The following PARP8 variants were observed in gnomAD, a reference collection of about 807,000 sequenced individuals.
PARP8 encodes the protein poly(ADP-ribose) polymerase family member 8.
Under a neutral mutation model 124.1 loss-of-function variants are expected in PARP8, and 51 were observed. The ratio of observed to expected loss-of-function variants is 0.41; its 90% CI spans 0.33 to 0.52. The LOEUF is 0.52. PARP8 is among the 20% of genes least tolerant of loss of function. The pLI is 0.21. For synonymous variants in PARP8, 391 were observed against 361.5 expected, an observed-to-expected ratio of 1.08 and a Z score of -0.93; for missense variants, 860 against 1,018.9, an observed-to-expected ratio of 0.84 and a Z score of 2.12.
intron 12 of PARP8, 95 bp from the exon 13 acceptor site, chr5:50,796,887 C>G (rs1291840466): frequency 2.8e-6 from 3 of 1,062,800 alleles, no homozygotes; most frequent in Non-Finnish European, 1.3e-6. Context: ...TCTTAAATCA[C>G]TTTCGTATTC....
chr5:50,703,484 A>G (rs1366095148), intron 2 of PARP8, among the ~76,000 whole-genome samples: 8 of 152,098 alleles, frequency 5.3e-5, no homozygotes, highest in African/African-American at 1.9e-4. Flanking sequence ...GGGGGGTTTG[A>G]TTTCTTCCTT....
chr5:50,768,219 ATG>A (rs1168720580), intron 7 of PARP8, among the ~76,000 whole-genome samples: 3 of 152,220 alleles, frequency 2.0e-5, no homozygotes, highest in African/African-American at 7.2e-5. Context: ...GTAAGTGTGT[ATG>A]TGAGTGTCTC....
intron 2 of PARP8, among the ~76,000 whole-genome samples, chr5:50,727,441 G>T (rs1355117348): frequency 6.6e-6 from 1 of 152,100 alleles, no homozygotes; most frequent in Admixed American, 6.6e-5. Flanking sequence ...CTTTGTTTAG[G>T]TAGTATGTCA....
chr5:50,787,669 C>T (rs1339030653), intron 9 of PARP8, among the ~76,000 whole-genome samples: 2 of 151,830 alleles, frequency 1.3e-5, no homozygotes, highest in African/African-American at 4.8e-5. Context: ...ATGACTGGAG[C>T]GATGAGTGCA....
chr5:50,770,590 AAG>A (rs914183213), intron 7 of PARP8, among the ~76,000 whole-genome samples: 2 of 151,952 alleles, frequency 1.3e-5, no homozygotes, highest in African/African-American at 2.4e-5. Flanking sequence ...GGAAAAAAGA[AAG>A]AGAAAGAAAA....
intron 2 of PARP8, among the ~76,000 whole-genome samples, chr5:50,722,233 G>A (rs567507019): frequency 4.0e-4 from 61 of 152,134 alleles, no homozygotes; most frequent in East Asian, 1.4e-3. Flanking sequence ...TGTCACTGCC[G>A]CTGAAAACTG....
chr5:50,800,592 AGTT>A (rs942668799), intron 14 of PARP8, among the ~76,000 whole-genome samples: 17 of 152,136 alleles, frequency 1.1e-4, no homozygotes, highest in African/African-American at 3.9e-4. Flanking sequence ...TTCTAGTCCT[AGTT>A]GTTAGGTGGT....
chr5:50,673,722 G>T (rs1031650915), intron 2 of PARP8, among the ~76,000 whole-genome samples: 3 of 152,232 alleles, frequency 2.0e-5, no homozygotes, highest in African/African-American at 4.8e-5. Flanking sequence ...AAATCTGCTG[G>T]TTGGCAAAGG....
chr5:50,746,061 T>C (rs1420808157), intron 2 of PARP8, among the ~76,000 whole-genome samples: 4 of 152,242 alleles, frequency 2.6e-5, no homozygotes, highest in East Asian at 1.9e-4. Context: ...TATGTGCTCA[T>C]ATTTTACTAC....
At chr5:50,751,396 C>T (rs1258724955) in intron 3 of PARP8, among the ~76,000 whole-genome samples, 1 of 152,076 alleles carries the variant, frequency 6.6e-6, no homozygotes, top group Non-Finnish European at 1.5e-5. Context: ...AATGAATTTT[C>T]AATATAACTT....
At chr5:50,815,733 G>T (rs527643573) in intron 15 of PARP8, among the ~76,000 whole-genome samples, 2 of 152,174 alleles carry the variant, frequency 1.3e-5, no homozygotes, top group Non-Finnish European at 1.5e-5. Context: ...GCCAAGGAGA[G>T]AAATTAAACC....
chr5:50,678,725 G>T (rs1750927514), intron 2 of PARP8, among the ~76,000 whole-genome samples: 1 of 152,136 alleles, frequency 6.6e-6, no homozygotes, highest in Non-Finnish European at 1.5e-5. Flanking sequence ...TCATTCTCCA[G>T]GAGCTGGCCA....
chr5:50,747,168 T>TTTTTTTTTTTTTTTTTTTTTG (rs1758669372), intron 2 of PARP8, among the ~76,000 whole-genome samples: 1 of 139,298 alleles, frequency 7.2e-6, no homozygotes, highest in African/African-American at 2.8e-5. Context: ...GTTTTGTTTT[T>TTTTTTTTTTTTTTTTTTTTTG]TTTTTTTTTT....
At chr5:50,784,023 TAAC>T (rs1430915522) in intron 9 of PARP8, among the ~76,000 whole-genome samples, 1 of 152,186 alleles carries the variant, frequency 6.6e-6, no homozygotes, top group Admixed American at 6.5e-5. Flanking sequence ...CTTTTTGAAA[TAAC>T]AATTCAGTGA....
intron 2 of PARP8, among the ~76,000 whole-genome samples, chr5:50,713,204 T>A (rs1754954811): frequency 1.3e-5 from 2 of 152,066 alleles, no homozygotes; most frequent in African/African-American, 2.4e-5. Context: ...CAAGAGTGCT[T>A]ATTCATATTG....
In PARP8 at chr5:50,844,489, A is replaced by G. The variant is rs920616065; in HGVS notation, c.*2421A>G. 1 of 151,840 alleles carries G rather than the reference A, an allele frequency of 6.6e-6. No homozygotes were observed. Among genetic ancestry groups the G allele is most frequent in the Admixed American group, 6.6e-5 (1 of 15,192 alleles). The allele number at this position is 151,840 out of a possible 1,614,324, so 9.4% of individuals were successfully genotyped here. ...TCCAAAATCCAAGCAGGTCCATACA[A>G]TTTAGAGATTTGAACACTGTTATCA... On this transcript the variant is annotated 3_prime_UTR_variant, in exon 26 of 26. Coordinates refer to ENST00000281631, the MANE Select transcript of PARP8 (RefSeq NM_024615.4).
chr5:50,750,267 C>A, intron 3 of PARP8, 79 bp downstream of exon 3: 1 of 1,193,788 alleles, frequency 8.4e-7, no homozygotes, highest in South Asian at 1.2e-5. Flanking sequence ...ATGTAAAACG[C>A]ATATAAATAT....
intron 2 of PARP8, among the ~76,000 whole-genome samples, chr5:50,714,549 C>T (rs762174415): frequency 2.0e-5 from 3 of 152,022 alleles, no homozygotes; most frequent in Non-Finnish European, 4.4e-5. Flanking sequence ...CATTAGGTAG[C>T]CACTGATTTT....
chr5:50,748,385 A>G (rs888968662), intron 2 of PARP8, among the ~76,000 whole-genome samples: 1 of 152,120 alleles, frequency 6.6e-6, no homozygotes, highest in Non-Finnish European at 1.5e-5. Flanking sequence ...TATGTGTGTG[A>G]AGTGCTATAA....
Sources: allele counts gnomAD v4.1 joint callset (sites outside exome capture counted in the v4.1 genomes callset), GRCh38; gene constraint gnomAD v4.1.1; transcripts MANE v1.5; gene names NCBI Gene and HGNC (gene_info 2026-07-23, HGNC 2026-07-21).